The following SRSF1 variants were observed in gnomAD, a reference collection of about 807,000 sequenced individuals.
SRSF1 encodes serine and arginine rich splicing factor 1.
Under a neutral mutation model 25.9 loss-of-function variants are expected in SRSF1, and 1 was observed. That is an observed-to-expected ratio of 0.04 (90% CI 0.01 to 0.18). The LOEUF is 0.18. SRSF1 is among the 10% of genes least tolerant of loss of function. The pLI is 1.00. For missense variants in SRSF1, 65 were observed against 350.5 expected (o/e 0.19, Z 6.50); for synonymous variants, 132 against 126.2 (o/e 1.05, Z -0.31).
the SRSF1 span, chr17:57,990,465 C>A: frequency 6.6e-6 from 1 of 152,060 alleles, no homozygotes; most frequent in African/African-American, 2.4e-5. Flanking sequence ...GGAAAATACT[C>A]AGAAGTTTGA....
chr17:58,002,678 G>C lies in SRSF1; in HGVS notation c.*2728C>G, dbSNP rs1159601474. ...TTCATCCAAAGAAGCAGTTAATCTT[G>C]TGCACTCTTCCCTTTCAAAAAAGAA... On this transcript the variant is annotated 3_prime_UTR_variant, in exon 4 of 4. Coordinates refer to ENST00000258962, the MANE Select transcript of SRSF1 (RefSeq NM_006924.5). Among the ~76,000 whole-genome samples the C allele has an allele frequency of 6.6e-6, 1 of 152,132 alleles. No homozygotes were observed. Among genetic ancestry groups the C allele is most frequent in the African/African-American group, 2.4e-5 (1 of 41,434 alleles).
chr17:58,006,086 T>C, intron 2 of SRSF1, 113 bp from the exon 3 acceptor site: 1 of 1,057,738 alleles, frequency 9.5e-7, no homozygotes, highest in Non-Finnish European at 1.3e-6. Context: ...TGTACTTAAG[T>C]GATACCAGGT....
At position 58,001,277 on chromosome 17, in the gene SRSF1, TGA is replaced by T. The variant is rs1257098527; in HGVS notation, c.*4127_*4128del. 6.6e-6 allele frequency among the ~76,000 whole-genome samples: 1 copy of T among 152,042 alleles called. No individual in the cohort carries two copies. The highest frequency in any genetic ancestry group is 1.9e-4 in the East Asian group (1 of 5,202). On this transcript the variant is annotated 3_prime_UTR_variant, in exon 4 of 4. Coordinates refer to ENST00000258962, the MANE Select transcript of SRSF1 (RefSeq NM_006924.5). Reference sequence around the variant, plus strand: ...AAAGACAACAAACACCAAGAAAAGTTGAGATTCTACAATAAATCATATTAAAC... The same window carrying T: ...AAAGACAACAAACACCAAGAAAAGTTGATTCTACAATAAATCATATTAAAC...
rs529212240 is a variant in SRSF1 at position 58,002,466 on chromosome 17, T to G, written c.*2940A>C. ...AGGGAAATGTTAAAGTCTATTTATT[T>G]TAGGTCCCCTCCCCCAACCTAAATA... On this transcript the variant is annotated 3_prime_UTR_variant, in exon 4 of 4. Coordinates refer to ENST00000258962, the MANE Select transcript of SRSF1 (RefSeq NM_006924.5). 1.9e-4 allele frequency among the ~76,000 whole-genome samples: 29 copies of G among 152,316 alleles called. No individual in the cohort carries two copies. The highest frequency in any genetic ancestry group is 6.7e-4 in the African/African-American group (28 of 41,574).
intron 1 of SRSF1, 76 bp downstream of exon 1, chr17:58,006,868 C>T (rs2075433490): frequency 1.3e-6 from 2 of 1,533,160 alleles, no homozygotes; most frequent in South Asian, 1.2e-5. Flanking sequence ...TCCCCGTTCT[C>T]TATGTTAAGG....
rs1201020664 is a variant in SRSF1 at position 58,004,856 on chromosome 17, C to T, written c.*550G>A. Reference sequence around the variant, plus strand: ...GGAAAATGTATATAATCATTTTTAACCCCTGCCTTTTAGTATAAGGTCAAT... The same window carrying T: ...GGAAAATGTATATAATCATTTTTAATCCCTGCCTTTTAGTATAAGGTCAAT... On this transcript the variant is annotated 3_prime_UTR_variant, in exon 4 of 4. Coordinates refer to ENST00000258962, the MANE Select transcript of SRSF1 (RefSeq NM_006924.5). The T allele has an allele frequency of 2.5e-6, 1 of 398,550 alleles. No individual in the cohort carries two copies. Among genetic ancestry groups the T allele is most frequent in the Non-Finnish European group, 4.4e-6 (1 of 225,916 alleles). 24.7% of individuals were successfully genotyped at this position (398,550 alleles called of 1,614,324 possible).
chr17:57,995,890 C>A, the SRSF1 span, among the ~76,000 whole-genome samples: 1 of 152,156 alleles, frequency 6.6e-6, no homozygotes, highest in Non-Finnish European at 1.5e-5. Flanking sequence ...TATCTGTAAT[C>A]CCAGCACTTT....
chr17:57,991,264 T>C, the SRSF1 span: 9 of 152,252 alleles, frequency 5.9e-5, no homozygotes, highest in Non-Finnish European at 1.3e-4. Flanking sequence ...AGCAACAGGA[T>C]ATTTCCTTCC....
At chr17:57,997,472 G>A (rs1180873626), downstream of SRSF1, among the ~76,000 whole-genome samples, 1 of 152,148 alleles carries the variant, frequency 6.6e-6, no homozygotes, top group African/African-American at 2.4e-5. Flanking sequence ...AATATATTCA[G>A]TTCCTGGGTC....
downstream of SRSF1, among the ~76,000 whole-genome samples, chr17:57,996,352 C>A (rs1316665643): frequency 6.6e-6 from 1 of 151,866 alleles, no homozygotes; most frequent in Non-Finnish European, 1.5e-5. Context: ...GGTGTGGTGG[C>A]AGGTGCCTGT....
Position 58,005,465 on chromosome 17 carries a change from T to G in SRSF1, c.688A>C (p.Arg230=). Residue 230 remains arginine (R), a synonymous_variant, in exon 4 of 4, where the codon AGA becomes CGA. Transcript: ENST00000258962. This position sits in a 1 kb window ranked among gnomAD's most constrained non-coding sequence, Gnocchi z 5.2. ...NSRSRSYSPR[R]SRGSPRYSPR... ...GAATAGCGTGGTGATCCTCTGCTTC[T>G]CCTTGGGGAGTAACTGCGACTCCTG... 1 of 1,614,208 alleles carries G rather than the reference T, an allele frequency of 6.2e-7. No homozygotes were observed. Among genetic ancestry groups the G allele is most frequent in the Non-Finnish European group, 8.5e-7 (1 of 1,180,048 alleles).
At chr17:58,006,894 C>G in intron 1 of SRSF1, 50 bp downstream of exon 1, 2 of 1,600,202 alleles carry the variant, frequency 1.2e-6, no homozygotes. Context: ...GAGCCTTCCC[C>G]AACTACTCGG....
the SRSF1 span, chr17:57,989,660 G>A: frequency 5.0e-6 from 2 of 398,490 alleles, no homozygotes. Flanking sequence ...AGAATGAAGG[G>A]GCTGGAAAAC....
chr17:57,996,147 G>A (rs1275113970), downstream of SRSF1, among the ~76,000 whole-genome samples: 1 of 152,112 alleles, frequency 6.6e-6, no homozygotes, highest in African/African-American at 2.4e-5. Context: ...GCAGGTACTA[G>A]CATTCTGGAC....
downstream of SRSF1, among the ~76,000 whole-genome samples, chr17:57,996,736 G>A (rs1443840031): frequency 6.6e-6 from 1 of 152,152 alleles, no homozygotes; most frequent in Non-Finnish European, 1.5e-5. Flanking sequence ...TGGGATTTAT[G>A]ATGTGGGGTG....
downstream of SRSF1, among the ~76,000 whole-genome samples, chr17:57,998,179 C>T (rs1786609398): frequency 6.6e-6 from 1 of 152,140 alleles, no homozygotes. Context: ...CACTACACTC[C>T]AGCCTGGGTG....
chr17:57,995,110 T>G, the SRSF1 span, among the ~76,000 whole-genome samples: 3 of 152,268 alleles, frequency 2.0e-5, no homozygotes, highest in Non-Finnish European at 4.4e-5. Context: ...ATACAAAAAC[T>G]GATACCTAAG....
chr17:57,996,347 G>C (rs796364439), downstream of SRSF1, among the ~76,000 whole-genome samples: 1 of 151,936 alleles, frequency 6.6e-6, no homozygotes, highest in Non-Finnish European at 1.5e-5. Context: ...AGCTAGGTGT[G>C]GTGGCAGGTG....
In SRSF1 at chr17:58,004,495, T is replaced by G. The variant is rs537495448; in HGVS notation, c.*911A>C. ...GGAACTCTATATTTTGCTTTCATTT[T>G]GTCTTAAAAAAATGAAATAGCAACG... On this transcript the variant is annotated 3_prime_UTR_variant, in exon 4 of 4. Coordinates refer to ENST00000258962, the MANE Select transcript of SRSF1 (RefSeq NM_006924.5). 1 of 153,398 alleles carries G rather than the reference T, an allele frequency of 6.5e-6. No individual in the cohort carries two copies. The highest frequency in any genetic ancestry group is 1.9e-4 in the East Asian group (1 of 5,202). 9.5% of individuals were successfully genotyped at this position (153,398 alleles called of 1,614,324 possible).
Sources: gnomAD v4.1 joint callset for allele counts (sites outside exome capture counted in the v4.1 genomes callset) on GRCh38, gnomAD v4.1.1 for gene constraint, Gnocchi (gnomAD v3.1) non-coding constraint, MANE v1.5 for transcripts, NCBI Gene and HGNC (gene_info 2026-07-23, HGNC 2026-07-21) for gene names.